TMC7: variants seen among roughly 807,000 people sequenced by gnomAD.
The protein encoded by TMC7 is transmembrane channel like 7.
Under a neutral mutation model 82.9 loss-of-function variants are expected in TMC7, and 54 were observed. That is an observed-to-expected ratio of 0.65 (90% CI 0.52 to 0.82). The LOEUF (loss-of-function observed/expected upper bound fraction) is 0.82, where lower values mean the gene tolerates loss of function less well. TMC7 is among the 40% of genes least tolerant of loss of function. The pLI, the probability that TMC7 is intolerant of heterozygous loss-of-function variation, is 0.00. For synonymous variants in TMC7, 350 were observed against 337.9 expected (o/e 1.04, Z -0.39); for missense variants, 820 against 901.2 (o/e 0.91, Z 1.15).
chr16:18,985,575 G>A (rs1329579994), intron 1 of TMC7, among the ~76,000 whole-genome samples: 2 of 152,192 alleles, frequency 1.3e-5, no homozygotes, highest in East Asian at 3.9e-4. Flanking sequence ...CCCATACAAA[G>A]AATGTGAGAT....
chr16:19,044,374 CA>C (rs974690759), intron 9 of TMC7, among the ~76,000 whole-genome samples: 5 of 151,784 alleles, frequency 3.3e-5, no homozygotes, highest in Non-Finnish European at 5.9e-5. Flanking sequence ...TAGAGACGGC[CA>C]GGGGGTGGTG....
chr16:19,025,233 C>G (rs1253745070), intron 5 of TMC7, among the ~76,000 whole-genome samples: 1 of 152,064 alleles, frequency 6.6e-6, no homozygotes, highest in Non-Finnish European at 1.5e-5. Flanking sequence ...CAAAATTACC[C>G]CCAGATGAGA....
rs142745192 is a variant in TMC7, at chr16:19,056,474, G to T, written c.1872-68G>T. 5.8e-5 allele frequency: 89 copies of T among 1,540,184 alleles called. No homozygotes were observed. The African/African-American group carries it at 9.4e-4, about 16-fold the overall frequency. The stretch of plus-strand genomic sequence containing the variant: ...CCATTGTTAACAAAACATTCTGGGT[G>T]TACAGGGGCGGGACACTCAACCTGT... On this transcript the variant is annotated intron_variant, in intron 13 of 15. Coordinates refer to ENST00000304381, the MANE Select transcript of TMC7 (RefSeq NM_024847.4).
intron 1 of TMC7, among the ~76,000 whole-genome samples, chr16:18,985,968 G>A (rs2038840351): frequency 2.0e-5 from 3 of 151,846 alleles, no homozygotes; most frequent in Admixed American, 2.0e-4. Flanking sequence ...AGGAGTTTGA[G>A]GTTACAGTAA....
At chr16:18,991,234 G>T (rs766405114) in intron 1 of TMC7, among the ~76,000 whole-genome samples, 24 of 152,082 alleles carry the variant, frequency 1.6e-4, no homozygotes, top group Non-Finnish European at 3.2e-4. Flanking sequence ...GCCTGGATAT[G>T]GTTTTGTATG....
chr16:18,984,350 A>G, intron 1 of TMC7: 1 of 1,296,228 alleles, frequency 7.7e-7, no homozygotes, highest in East Asian at 3.2e-5. Context: ...CAGCCGGGCC[A>G]AAAGGACACG....
intron 5 of TMC7, among the ~76,000 whole-genome samples, chr16:19,025,650 A>T (rs577591961): frequency 3.9e-5 from 6 of 152,198 alleles, no homozygotes; most frequent in Admixed American, 6.5e-5. Context: ...AAAAAACAAA[A>T]AAACAAATAA....
chr16:19,021,985 G>T (rs931423958), intron 4 of TMC7, among the ~76,000 whole-genome samples, 189 bp downstream of exon 4: 5 of 152,122 alleles, frequency 3.3e-5, no homozygotes, highest in Non-Finnish European at 5.9e-5. Context: ...CAGCATGCAG[G>T]CACGACAGCA....
chr16:19,043,245 C>CT (rs573442774), intron 9 of TMC7, among the ~76,000 whole-genome samples: 20 of 152,214 alleles, frequency 1.3e-4, no homozygotes, highest in Middle Eastern at 3.4e-3. Flanking sequence ...CTGCAGCATA[C>CT]TTTTTTTCAC....
At chr16:19,008,103 A>T (rs2039273376) in intron 1 of TMC7, among the ~76,000 whole-genome samples, 1 of 152,206 alleles carries the variant, frequency 6.6e-6, no homozygotes, top group Non-Finnish European at 1.5e-5. Context: ...GCTTTGCTGC[A>T]TAGGGGTAAT....
intron 7 of TMC7, among the ~76,000 whole-genome samples, chr16:19,037,460 T>G (rs1024368857): frequency 5.0e-5 from 7 of 139,952 alleles, no homozygotes; most frequent in African/African-American, 1.8e-4. Flanking sequence ...GAGATGAATA[T>G]TTAAAAGATG....
At chr16:19,044,240 G>C (rs892150744) in intron 9 of TMC7, among the ~76,000 whole-genome samples, 2 of 152,028 alleles carry the variant, frequency 1.3e-5, no homozygotes, top group African/African-American at 4.8e-5. Context: ...CTGAATCTCC[G>C]CTCACTGCAG....
In TMC7 at chr16:19,044,998, C is replaced by T. The variant is rs1456420784; in HGVS notation, c.1452C>T (p.Tyr484=). The change falls in exon 10 of 16, where the codon TAC becomes TAT. Residue 484 remains tyrosine (Y), a synonymous_variant. Transcript: ENST00000304381. ...TTTGCGGCTACAACCAGAAACTCTA[C>T]CCGGTGAGTTGCGGGGCGGGGGCGT... ...CDLCGYNQKL[Y]PCWETQVGQE... The T allele has an allele frequency of 6.2e-7, 1 of 1,613,508 alleles. No homozygotes were observed. Among genetic ancestry groups the T allele is most frequent in the Non-Finnish European group, 8.5e-7 (1 of 1,179,636 alleles).
At chr16:19,056,403 C>G in intron 13 of TMC7, 139 bp from the exon 14 acceptor site, 1 of 1,038,970 alleles carries the variant, frequency 9.6e-7, no homozygotes, top group East Asian at 2.6e-5. Flanking sequence ...GCATTTTCGA[C>G]TCAAACATTC....
At chr16:19,060,297 T>G (rs1439158244) in intron 15 of TMC7, among the ~76,000 whole-genome samples, 1 of 152,018 alleles carries the variant, frequency 6.6e-6, no homozygotes, top group African/African-American at 2.4e-5. Flanking sequence ...CTCAAACTCT[T>G]GGTCTCAAGC....
chr16:18,997,125 C>T (rs1415476403), intron 1 of TMC7, among the ~76,000 whole-genome samples: 1 of 152,216 alleles, frequency 6.6e-6, no homozygotes, highest in Non-Finnish European at 1.5e-5. Context: ...GGTGGATCTC[C>T]TCACGGAGTG....
chr16:19,012,788 CAAAAAAAAAAAAAAAAAAAAA>C lies in TMC7; in HGVS notation c.311+3383_311+3403del, dbSNP rs139163132. On this transcript the variant is annotated intron_variant, in intron 2 of 15. Coordinates refer to ENST00000304381, the MANE Select transcript of TMC7 (RefSeq NM_024847.4). ...TGGGCGACAGAGTGAGATTCCATCTCAAAAAAAAAAAAAAAAAAAAAAAAAAAAAAGAAAGTGGCAAAGAAA... is the reference window on the plus strand; with the variant it reads ...TGGGCGACAGAGTGAGATTCCATCTCAAAAAAAAAGAAAGTGGCAAAGAAA... Among the ~76,000 whole-genome samples the C allele has an allele frequency of 2.9e-4, 19 of 66,634 alleles. No individual in the cohort carries two copies. In the East Asian group the frequency reaches 9.2e-3, roughly 32 times the overall value. The allele number at this position is 66,634 out of a possible 152,430, so 43.7% of individuals were successfully genotyped here.
chr16:19,030,025 A>G (rs944416136), intron 5 of TMC7, among the ~76,000 whole-genome samples, 199 bp from the exon 6 acceptor site: 48 of 152,134 alleles, frequency 3.2e-4, no homozygotes, highest in Non-Finnish European at 8.8e-5. Flanking sequence ...CCACCTGTGC[A>G]TTTTTAATGC....
intron 9 of TMC7, among the ~76,000 whole-genome samples, chr16:19,043,134 C>T (rs1167121853): frequency 6.6e-6 from 1 of 151,944 alleles, no homozygotes; most frequent in Non-Finnish European, 1.5e-5. Flanking sequence ...CTCCGCCCAC[C>T]TCCCTTGAAT....
Sources: allele counts gnomAD v4.1 joint callset (sites outside exome capture counted in the v4.1 genomes callset), GRCh38; gene constraint gnomAD v4.1.1; transcripts MANE v1.5; gene names NCBI Gene and HGNC (gene_info 2026-07-23, HGNC 2026-07-21).